Variants in ANAPC11 observed in about 807,000 individuals in gnomAD.
The protein encoded by ANAPC11 is anaphase promoting complex subunit 11.
Under a neutral mutation model 11.8 loss-of-function variants are expected in ANAPC11, and 5 were observed. That is an observed-to-expected ratio of 0.42 (90% CI 0.22 to 0.89). The LOEUF is 0.89. Among genes scored for constraint, ANAPC11 ranks in the 40% least tolerant of loss-of-function variants. ANAPC11 has a pLI of 0.28. For synonymous variants in ANAPC11, 45 were observed against 41.0 expected, an observed-to-expected ratio of 1.10 and a Z score of -0.38; for missense variants, 68 against 112.9, an observed-to-expected ratio of 0.60 and a Z score of 1.80.
chr17:81,895,502 C>T (rs569432404), intron 3 of ANAPC11, among the ~76,000 whole-genome samples: 4 of 152,312 alleles, frequency 2.6e-5, no homozygotes, highest in South Asian at 4.1e-4. Flanking sequence ...AGAGTCTGGG[C>T]GGGCAGATCA....
At position 81,891,779 on chromosome 17, in the gene ANAPC11, G is replaced by T; in HGVS notation, c.-137G>T. ...CTGTTGAGGGAGTCGGGCCGCGACTGTGGTCGTTTTTATACCTTCCCGCGC... is the reference window on the plus strand; with the variant it reads ...CTGTTGAGGGAGTCGGGCCGCGACTTTGGTCGTTTTTATACCTTCCCGCGC... On this transcript the variant is annotated 5_prime_UTR_variant, in exon 1 of 4. Transcript: ENST00000344877. 1 of 327,288 alleles carries T rather than the reference G, an allele frequency of 3.1e-6. No individual in the cohort carries two copies. Among genetic ancestry groups the T allele is most frequent in the Non-Finnish European group, 5.2e-6 (1 of 191,224 alleles). The allele number at this position is 327,288 out of a possible 1,614,324, so 20.3% of individuals were successfully genotyped here. A position where few individuals can be genotyped will look rare whatever the true frequency, so the allele number is the denominator to read the frequency against.
At chr17:81,899,603 G>T in intron 3 of ANAPC11, 3 of 1,539,730 alleles carry the variant, frequency 1.9e-6, no homozygotes, top group Non-Finnish European at 1.8e-6. Flanking sequence ...GGCTAGGCCA[G>T]AGCGCCACCT....
intron 3 of ANAPC11, chr17:81,898,900 A>G (rs2039833919): frequency 1.7e-5 from 6 of 350,808 alleles, no homozygotes; most frequent in Non-Finnish European, 3.1e-5. Flanking sequence ...TCCCCCGAGT[A>G]CTCAGAGTGG....
At chr17:81,893,749 T>A (rs922453596) in intron 2 of ANAPC11, 135 bp downstream of exon 2, 1 of 150,884 alleles carries the variant, frequency 6.6e-6, no homozygotes, top group Non-Finnish European at 1.5e-5. Flanking sequence ...ATAGTTCTTT[T>A]TTTTCCTTTT....
chr17:81,891,017 T>G (rs1447347764), upstream of ANAPC11: 1 of 808,884 alleles, frequency 1.2e-6, no homozygotes, highest in African/African-American at 1.7e-5. Context: ...CAACTTCAGT[T>G]CCCTTAGACT....
chr17:81,900,113 A>G lies in ANAPC11; in HGVS notation c.*48A>G. ...AGGGGCATCCTGAGACTCCTTCCTC[A>G]TGCTGGCGCCGATGGCTGCTGGGGA... On this transcript the variant is annotated 3_prime_UTR_variant, in exon 4 of 4. Transcript: ENST00000344877. The G allele has an allele frequency of 6.2e-7, 1 of 1,608,186 alleles. No homozygotes were observed. Among genetic ancestry groups the G allele is most frequent in the Non-Finnish European group, 8.5e-7 (1 of 1,177,910 alleles).
intron 3 of ANAPC11, chr17:81,898,089 A>G (rs984279090): frequency 6.6e-6 from 1 of 152,282 alleles, no homozygotes; most frequent in Non-Finnish European, 1.5e-5. Flanking sequence ...TAGGTTAATA[A>G]CTAAATTCAC....
chr17:81,890,899 C>A (rs1040185532), upstream of ANAPC11: 4 of 1,588,914 alleles, frequency 2.5e-6, no homozygotes, highest in African/African-American at 5.4e-5. Context: ...TACTCCGGAC[C>A]CTTCCTCTTC....
Position 81,899,979 on chromosome 17 carries a change from A to G in ANAPC11, c.169A>G (p.Met57Val). Residue 57 changes from methionine to valine, a missense_variant, in exon 4 of 4, where the codon ATG becomes GTG. Coordinates refer to ENST00000344877, the MANE Select transcript of ANAPC11 (RefSeq NM_001002248.3). The stretch of plus-strand genomic sequence containing the variant: ...GGGCCAGTGCTCCCACTGCTTCCAC[A>G]TGCATTGCATCCTCAAGTGGCTGCA... ...VWGQCSHCFH[M>V]HCILKWLHAQ... is the part of the protein sequence containing the mutation. The G allele has an allele frequency of 6.2e-7, 1 of 1,613,118 alleles. No individual in the cohort carries two copies. The highest frequency in any genetic ancestry group is 8.5e-7 in the Non-Finnish European group (1 of 1,179,968).
At chr17:81,899,891 C>G (rs549791007) in intron 3 of ANAPC11, 29 bp from the exon 4 acceptor site, 2 of 1,598,820 alleles carry the variant, frequency 1.3e-6, no homozygotes, top group East Asian at 4.5e-5. Context: ...CTGGTCATGC[C>G]TGTCCTTTTC....
At chr17:81,898,087 T>C (rs2039802289) in intron 3 of ANAPC11, 1 of 152,280 alleles carries the variant, frequency 6.6e-6, no homozygotes, top group African/African-American at 2.4e-5. Flanking sequence ...ATTAGGTTAA[T>C]AACTAAATTC....
rs1020587930 is a variant in ANAPC11, at chr17:81,898,860, A to T, written c.110-1060A>T. On this transcript the variant is annotated intron_variant, in intron 3 of 3. Coordinates refer to ENST00000344877, the MANE Select transcript of ANAPC11 (RefSeq NM_001002248.3). ...GGCTTCGGGTGGGGAATGCACTAGA[A>T]CGAAGTGACACCTTTGACTAAACGA... is the stretch of plus-strand genomic sequence containing the variant. 4 of 257,232 alleles carry T rather than the reference A, an allele frequency of 1.6e-5. No homozygotes were observed. The East Asian group carries it at 3.6e-4, about 23-fold the overall frequency. The allele number at this position is 257,232 out of a possible 1,614,324, so 15.9% of individuals were successfully genotyped here. A position where few individuals can be genotyped will look rare whatever the true frequency, so the allele number is the denominator to read the frequency against.
At chr17:81,894,371 G>A (rs1259887024) in intron 2 of ANAPC11, 96 bp from the exon 3 acceptor site, 2 of 626,916 alleles carry the variant, frequency 3.2e-6, no homozygotes, top group Non-Finnish European at 5.6e-6. Flanking sequence ...TGAGTAGCTG[G>A]GACTGCACTG....
intron 3 of ANAPC11, among the ~76,000 whole-genome samples, chr17:81,896,163 G>A (rs533028553): frequency 1.3e-5 from 2 of 152,302 alleles, no homozygotes; most frequent in Admixed American, 6.5e-5. Context: ...GCAGGTGCCT[G>A]TAATCCCAGC....
chr17:81,891,712 C>T, upstream of ANAPC11: 1 of 823,980 alleles, frequency 1.2e-6, no homozygotes, highest in Non-Finnish European at 1.6e-6. Context: ...CGGGGTGAGG[C>T]GGGGAGGCGC....
At chr17:81,892,869 G>GT in intron 1 of ANAPC11, among the ~76,000 whole-genome samples, 1 of 151,816 alleles carries the variant, frequency 6.6e-6, no homozygotes, top group Non-Finnish European at 1.5e-5. Context: ...TTTTGTTTTT[G>GT]TTTTTTGAGT....
chr17:81,894,714 T>TA, intron 3 of ANAPC11, 128 bp downstream of exon 3: 50 of 464,778 alleles, frequency 1.1e-4, no homozygotes, highest in Non-Finnish European at 1.6e-4. Flanking sequence ...AGTTTCATTT[T>TA]CTTTTTTTTT....
rs1046098501 is a variant in ANAPC11, at chr17:81,891,802, C to T, written c.-114C>T. 6.7e-4 allele frequency: 162 copies of T among 241,288 alleles called. No individual in the cohort carries two copies. The highest frequency in any genetic ancestry group is 1.1e-3 in the Non-Finnish European group (135 of 126,616). The allele number at this position is 241,288 out of a possible 1,614,324, so 14.9% of individuals were successfully genotyped here. A position where few individuals can be genotyped will look rare whatever the true frequency, so the allele number is the denominator to read the frequency against. On this transcript the variant is annotated 5_prime_UTR_variant, in exon 1 of 4. Coordinates refer to ENST00000344877, the MANE Select transcript of ANAPC11 (RefSeq NM_001002248.3). ...CTGTGGTCGTTTTTATACCTTCCCG[C>T]GCGGACGCCGGCGCTGCCAACGGAA...
intron 3 of ANAPC11, 85 bp downstream of exon 3, chr17:81,894,671 G>T: frequency 1.4e-6 from 1 of 712,640 alleles, no homozygotes. Flanking sequence ...ACTAGCCTCA[G>T]TAGCTCCTGT....
Sources: gnomAD v4.1 joint callset for allele counts (sites outside exome capture counted in the v4.1 genomes callset) on GRCh38, gnomAD v4.1.1 for gene constraint, MANE v1.5 for transcripts, NCBI Gene and HGNC (gene_info 2026-07-23, HGNC 2026-07-21) for gene names.